The following ZNF407 variants were observed in gnomAD, a reference collection of about 807,000 sequenced individuals.
ZNF407 encodes zinc finger protein 407.
Under a neutral mutation model 131.2 loss-of-function variants are expected in ZNF407, and 17 were observed. The ratio of observed to expected loss-of-function variants is 0.13; its 90% confidence interval spans 0.09 to 0.19. ZNF407 has a LOEUF of 0.19. Among genes scored for constraint, ZNF407 ranks in the 10% least tolerant of loss-of-function variants. The pLI, the probability that ZNF407 is intolerant of heterozygous loss-of-function variation, is 1.00. For synonymous variants in ZNF407, 1,156 were observed against 1,062.0 expected (o/e 1.09, Z -1.72); for missense variants, 2,681 against 2,830.6 (o/e 0.95, Z 1.20).
At chr18:74,728,673 T>C (rs1213908884) in intron 3 of ZNF407, among the ~76,000 whole-genome samples, 1 of 152,030 alleles carries the variant, frequency 6.6e-6, no homozygotes, top group Non-Finnish European at 1.5e-5. Context: ...GTGAGGAAGG[T>C]GCGACCTGAA....
At chr18:75,029,991 T>A (rs1973221188) in intron 8 of ZNF407, among the ~76,000 whole-genome samples, 1 of 152,234 alleles carries the variant, frequency 6.6e-6, no homozygotes, top group East Asian at 1.9e-4. Context: ...TTCCTGTAAA[T>A]GTGTGCAAAT....
chr18:74,712,167 T>TAAA (rs1967781277), intron 3 of ZNF407, among the ~76,000 whole-genome samples: 1 of 152,238 alleles, frequency 6.6e-6, no homozygotes, highest in Non-Finnish European at 1.5e-5. Flanking sequence ...ACCTTGTCTT[T>TAAA]GACAAGGTCC....
At chr18:74,668,956 G>A (rs1237565597) in intron 3 of ZNF407, among the ~76,000 whole-genome samples, 1 of 151,898 alleles carries the variant, frequency 6.6e-6, no homozygotes, top group East Asian at 1.9e-4. Flanking sequence ...ACGTTCTGGT[G>A]TGCTTAGCTC....
intron 3 of ZNF407, among the ~76,000 whole-genome samples, chr18:74,762,378 T>C (rs915029199): frequency 6.6e-6 from 1 of 152,188 alleles, no homozygotes; most frequent in Non-Finnish European, 1.5e-5. Context: ...GGACTTCCTA[T>C]TGTAAATGTC....
intron 4 of ZNF407, among the ~76,000 whole-genome samples, chr18:74,873,825 C>T (rs569681941): frequency 2.2e-4 from 34 of 152,258 alleles, no homozygotes; most frequent in African/African-American, 7.9e-4. Context: ...TTTAGCATAA[C>T]AGACATCTCA....
chr18:74,804,217 T>A, intron 4 of ZNF407: 1 of 1,278,228 alleles, frequency 7.8e-7, no homozygotes, highest in South Asian at 3.0e-5. Context: ...CACACAAATG[T>A]AGGCTAGTCT....
intron 3 of ZNF407, among the ~76,000 whole-genome samples, chr18:74,737,018 T>G (rs1289231745): frequency 2.6e-5 from 4 of 152,212 alleles, no homozygotes; most frequent in Non-Finnish European, 5.9e-5. Flanking sequence ...TCTTCATCTT[T>G]TAAAAGCCAT....
At position 74,786,793 on chromosome 18, in the gene ZNF407, GTTTTTTTTTT is replaced by G. The variant is rs869103622; in HGVS notation, c.4877+5310_4877+5319del. Among the ~76,000 whole-genome samples, 4 of 89,360 alleles carry G rather than the reference GTTTTTTTTTT, an allele frequency of 4.5e-5. No individual in the cohort carries two copies. The South Asian group carries it at 1.6e-3, about 35-fold the overall frequency. 58.6% of individuals were successfully genotyped at this position (89,360 alleles called of 152,430 possible). ...AATTGGTTTTAATGTAAAAAAGTATGTTTTTTTTTTTTTTTTTTTTTTTTTTTTGGAGATG... is the reference window on the plus strand; with the variant it reads ...AATTGGTTTTAATGTAAAAAAGTATGTTTTTTTTTTTTTTTTTTGGAGATG... On this transcript the variant is annotated intron_variant, in intron 4 of 8. Coordinates refer to ENST00000299687, the MANE Select transcript of ZNF407 (RefSeq NM_017757.3).
chr18:74,728,544 A>T (rs1372955072), intron 3 of ZNF407, among the ~76,000 whole-genome samples: 1 of 152,118 alleles, frequency 6.6e-6, no homozygotes, highest in Non-Finnish European at 1.5e-5. Context: ...GTGCCTGCTG[A>T]GATTCCTTCT....
At chr18:75,019,850 G>A (rs966288859) in intron 8 of ZNF407, among the ~76,000 whole-genome samples, 1 of 152,062 alleles carries the variant, frequency 6.6e-6, no homozygotes, top group African/African-American at 2.4e-5. Flanking sequence ...GAAGGGGGAG[G>A]TGATACACAC....
intron 1 of ZNF407, among the ~76,000 whole-genome samples, chr18:74,599,193 T>C (rs1982462515): frequency 6.6e-6 from 1 of 152,160 alleles, no homozygotes. Context: ...TTTTACAAAC[T>C]GAGACTCACT....
chr18:74,608,851 A>G (rs1371568164), intron 1 of ZNF407, among the ~76,000 whole-genome samples: 4 of 152,106 alleles, frequency 2.6e-5, no homozygotes, highest in Non-Finnish European at 5.9e-5. Context: ...TGTGATATAG[A>G]TATGTCTTCT....
chr18:74,892,661 G>C (rs1462535884), intron 7 of ZNF407, among the ~76,000 whole-genome samples: 1 of 152,150 alleles, frequency 6.6e-6, no homozygotes, highest in African/African-American at 2.4e-5. Context: ...TTTTGAAGTA[G>C]TTAAAAATTT....
chr18:74,631,686 A>C lies in ZNF407; in HGVS notation c.667A>C (p.Lys223Gln), dbSNP rs1347112758. 6.2e-7 allele frequency: 1 copy of C among 1,613,914 alleles called. No homozygotes were observed. The highest frequency in any genetic ancestry group is 8.5e-7 in the Non-Finnish European group (1 of 1,179,900). ...KEHTCCHCSH[K>Q]AESSSALHMH... ...ACATACCTGTTGTCACTGCAGCCAC[A>C]AAGCAGAGAGCAGCTCAGCACTACA... Residue 223 changes from lysine to glutamine, a missense_variant, in exon 2 of 9, where the codon AAA (lysine) becomes CAA (glutamine). Around this residue, in one of 6 missense-constraint regions of ZNF407, gnomAD observed 1,789 missense variants for 1,748.7 expected, o/e 1.02. Transcript: ENST00000299687.
At chr18:74,658,980 G>A (rs1350409845) in intron 3 of ZNF407, among the ~76,000 whole-genome samples, 40 of 151,936 alleles carry the variant, frequency 2.6e-4, no homozygotes. Context: ...GTATACACAT[G>A]GTGTGTTTTC....
At chr18:74,922,451 A>T (rs1971858784) in intron 8 of ZNF407, among the ~76,000 whole-genome samples, 1 of 152,232 alleles carries the variant, frequency 6.6e-6, no homozygotes, top group African/African-American at 2.4e-5. Flanking sequence ...CAGTGAGTAA[A>T]TAAGAGAAAA....
At chr18:74,780,942 C>T (rs1302422773) in intron 3 of ZNF407, among the ~76,000 whole-genome samples, 1 of 152,006 alleles carries the variant, frequency 6.6e-6, no homozygotes, top group East Asian at 1.9e-4. Context: ...ATACAGTAAA[C>T]ATTTGTATTA....
At chr18:74,889,883 A>G in intron 6 of ZNF407, 35 bp from the exon 7 acceptor site, 3 of 1,571,950 alleles carry the variant, frequency 1.9e-6, no homozygotes, top group Non-Finnish European at 2.6e-6. Flanking sequence ...AGTTGTTATT[A>G]TTATTCATCT....
At chr18:75,061,796 C>T (rs1973637122) in intron 8 of ZNF407, 1 of 152,846 alleles carries the variant, frequency 6.5e-6, no homozygotes. Context: ...CCCCTCCTCA[C>T]TCTCGTCCTG....
Sources: gnomAD v4.1 joint callset for allele counts (sites outside exome capture counted in the v4.1 genomes callset) on GRCh38, gnomAD v4.1.1 for gene constraint, gnomAD v4.1.1 regional missense constraint, MANE v1.5 for transcripts, NCBI Gene and HGNC (gene_info 2026-07-23, HGNC 2026-07-21) for gene names.